DGKB: variants seen among roughly 807,000 people sequenced by gnomAD.
DGKB encodes the protein diacylglycerol kinase beta, also known as 90 kDa diacylglycerol kinase.
A neutral mutation model predicts 114.3 loss-of-function variants in DGKB; 67 were observed. The ratio of observed to expected loss-of-function variants is 0.59; its 90% CI spans 0.48 to 0.72. The LOEUF (loss-of-function observed/expected upper bound fraction) is 0.72. DGKB is among the 30% of genes least tolerant of loss of function. The pLI, the probability that DGKB is intolerant of heterozygous loss-of-function variation, is 0.00. For synonymous variants in DGKB, 398 were observed against 323.1 expected (o/e 1.23, Z -2.49); for missense variants, 907 against 975.2 (o/e 0.93, Z 0.93).
intron 2 of DGKB, among the ~76,000 whole-genome samples, chr7:14,795,264 G>A (rs1308050873): frequency 3.9e-5 from 6 of 152,216 alleles, no homozygotes; most frequent in South Asian, 2.1e-4. Context: ...GACTCATTAA[G>A]CAAAGGTTCT....
chr7:14,461,026 G>C (rs1436998554), intron 21 of DGKB, among the ~76,000 whole-genome samples: 1 of 152,102 alleles, frequency 6.6e-6, no homozygotes, highest in Non-Finnish European at 1.5e-5. Context: ...AATTAAGGCA[G>C]AAATAAATAA....
At chr7:14,676,011 A>G (rs1350434796) in intron 12 of DGKB, among the ~76,000 whole-genome samples, 1 of 152,128 alleles carries the variant, frequency 6.6e-6, no homozygotes, top group East Asian at 1.9e-4. Flanking sequence ...GAAAAAATAT[A>G]CAATGTGAAA....
chr7:14,933,809 T>C (rs190936730), intron 1 of DGKB, among the ~76,000 whole-genome samples: 330 of 152,312 alleles, frequency 2.2e-3, no homozygotes, highest in Non-Finnish European at 2.9e-3. Context: ...TTTAAGATAT[T>C]AAAAATATCT....
At chr7:14,517,600 T>C (rs73055365) in intron 20 of DGKB, among the ~76,000 whole-genome samples, 136 of 151,900 alleles carry the variant, frequency 9.0e-4, no homozygotes, top group Non-Finnish European at 1.8e-3. Context: ...ACCAGAAATT[T>C]AAACAAATTT....
chr7:14,767,355 T>C (rs1836616111), intron 2 of DGKB, among the ~76,000 whole-genome samples: 1 of 151,820 alleles, frequency 6.6e-6, no homozygotes, highest in Admixed American at 6.6e-5. Context: ...AAGTGCTGCT[T>C]AATTACCATT....
intron 13 of DGKB, among the ~76,000 whole-genome samples, chr7:14,670,820 C>A (rs1818844016): frequency 6.6e-6 from 1 of 151,852 alleles, no homozygotes; most frequent in Non-Finnish European, 1.5e-5. Flanking sequence ...TCTACATTAC[C>A]CCTGCTGGAA....
At chr7:14,536,549 AAAG>A (rs1280258609) in intron 20 of DGKB, among the ~76,000 whole-genome samples, 2 of 152,200 alleles carry the variant, frequency 1.3e-5, no homozygotes, top group Non-Finnish European at 2.9e-5. Context: ...TTAGCAAACA[AAAG>A]AAGGAGAATA....
chr7:14,311,740 T>A (rs1334577471), intron 23 of DGKB, among the ~76,000 whole-genome samples: 1 of 152,250 alleles, frequency 6.6e-6, no homozygotes. Flanking sequence ...TTTTAATCTT[T>A]ATTGATTTTC....
chr7:14,303,256 A>C (rs1803866506), intron 23 of DGKB, among the ~76,000 whole-genome samples: 1 of 152,132 alleles, frequency 6.6e-6, no homozygotes, highest in Non-Finnish European at 1.5e-5. Flanking sequence ...GTAATGCTAA[A>C]GTTATTGCGT....
chr7:14,540,256 G>T (rs771373477), intron 20 of DGKB, among the ~76,000 whole-genome samples: 3 of 152,092 alleles, frequency 2.0e-5, no homozygotes, highest in Non-Finnish European at 4.4e-5. Flanking sequence ...TTACTATAAA[G>T]ATGCAATTTT....
intron 23 of DGKB, among the ~76,000 whole-genome samples, chr7:14,281,638 G>T (rs1405101187): frequency 1.3e-5 from 2 of 149,662 alleles, no homozygotes; most frequent in East Asian, 2.0e-4. Flanking sequence ...TAATGTAAAA[G>T]AACAGAAATT....
At chr7:14,640,332 G>T (rs748663849) in intron 13 of DGKB, among the ~76,000 whole-genome samples, 1 of 152,108 alleles carries the variant, frequency 6.6e-6, no homozygotes, top group East Asian at 1.9e-4. Flanking sequence ...AAGAATATAC[G>T]CATTGGGTGG....
At chr7:14,642,327 A>G (rs1479498181) in intron 13 of DGKB, among the ~76,000 whole-genome samples, 1 of 152,082 alleles carries the variant, frequency 6.6e-6, no homozygotes, top group Non-Finnish European at 1.5e-5. Flanking sequence ...TATGGCATTC[A>G]TCTAACTTTT....
intron 1 of DGKB, among the ~76,000 whole-genome samples, chr7:14,900,610 G>A (rs1241913863): frequency 6.6e-6 from 1 of 152,050 alleles, no homozygotes; most frequent in Non-Finnish European, 1.5e-5. Context: ...ATCAGTCATA[G>A]GATACTAGTT....
chr7:14,215,082 A>T (rs868771671), intron 23 of DGKB, among the ~76,000 whole-genome samples: 1 of 152,204 alleles, frequency 6.6e-6, no homozygotes, highest in Admixed American at 6.5e-5. Flanking sequence ...AAATGAACAG[A>T]CAAAAGCATG....
intron 13 of DGKB, among the ~76,000 whole-genome samples, chr7:14,634,119 C>A (rs541376401): frequency 2.0e-5 from 3 of 151,082 alleles, no homozygotes; most frequent in East Asian, 3.9e-4. Flanking sequence ...AAAAATGATA[C>A]CTTATACCTA....
intron 17 of DGKB, among the ~76,000 whole-genome samples, chr7:14,607,117 A>T (rs143109087): frequency 0.016 from 2,462 of 151,286 alleles, 29 homozygotes; most frequent in South Asian, 0.024. Context: ...CTTCAAATAC[A>T]TGGTTTGGCA....
At chr7:14,709,795 A>T (rs1234381122) in intron 6 of DGKB, among the ~76,000 whole-genome samples, 1 of 125,118 alleles carries the variant, frequency 8.0e-6, no homozygotes, top group East Asian at 2.5e-4. Flanking sequence ...GAAGGGGAAT[A>T]TCACACTCTG....
chr7:14,395,497 T>C (rs895942132), intron 21 of DGKB, among the ~76,000 whole-genome samples: 3 of 151,882 alleles, frequency 2.0e-5, no homozygotes, highest in African/African-American at 7.2e-5. Flanking sequence ...TTTAAAGATA[T>C]GGGTAAACAT....
Sources: allele counts gnomAD v4.1 joint callset (sites outside exome capture counted in the v4.1 genomes callset), GRCh38; gene constraint gnomAD v4.1.1; transcripts MANE v1.5; gene names NCBI Gene and HGNC (gene_info 2026-07-23, HGNC 2026-07-21).